ATCAY: variants seen among roughly 807,000 people sequenced by gnomAD.
ATCAY encodes the protein ATCAY kinesin light chain interacting caytaxin, also known as caytaxin.
In ATCAY, 22 loss-of-function variants were observed where a neutral mutation model predicts 47.7. That is an observed-to-expected ratio of 0.46 (90% CI 0.33 to 0.66). The LOEUF (loss-of-function observed/expected upper bound fraction) is 0.66, where lower values mean the gene tolerates loss of function less well. Among genes scored for constraint, ATCAY ranks in the 30% least tolerant of loss-of-function variants. ATCAY has a pLI of 0.02. For missense variants in ATCAY, 452 were observed against 515.0 expected (o/e 0.88, Z 1.18); for synonymous variants, 216 against 207.6 (o/e 1.04, Z -0.35).
chr19:3,887,698 G>A (rs916388294), intron 2 of ATCAY, among the ~76,000 whole-genome samples: 24 of 150,628 alleles, frequency 1.6e-4, no homozygotes, highest in African/African-American at 4.6e-4. Context: ...ATGTTAGCCA[G>A]GATGGTCTCG....
chr19:3,899,331 T>TTTG (rs2038795479), intron 2 of ATCAY, among the ~76,000 whole-genome samples: 1 of 148,770 alleles, frequency 6.7e-6, no homozygotes, highest in Non-Finnish European at 1.5e-5. Context: ...TTTTTTTTTT[T>TTTG]GAGAGAGAGT....
chr19:3,906,767 G>A lies in ATCAY; in HGVS notation c.359-967G>A, dbSNP rs572781800. Among the ~76,000 whole-genome samples, 84 of 152,194 alleles carry A rather than the reference G, an allele frequency of 5.5e-4. No individual in the cohort carries two copies. In the South Asian group the frequency reaches 0.016, roughly 30 times the overall value. On this transcript the variant is annotated intron_variant, in intron 4 of 12. Coordinates refer to ENST00000450849, the MANE Select transcript of ATCAY (RefSeq NM_033064.5). ...TACTCCAGGGCAAGTCCTGATTCAG[G>A]CGTGGGGTATATGGCAGGGCTATGA...
intron 2 of ATCAY, among the ~76,000 whole-genome samples, chr19:3,892,598 T>C (rs2038727734): frequency 6.6e-6 from 1 of 152,182 alleles, no homozygotes; most frequent in Admixed American, 6.5e-5. Flanking sequence ...AACATTTTGC[T>C]CCTTTTATAT....
chr19:3,891,757 C>T (rs1204276955), intron 2 of ATCAY, among the ~76,000 whole-genome samples: 3 of 151,920 alleles, frequency 2.0e-5, no homozygotes, highest in Non-Finnish European at 4.4e-5. Flanking sequence ...GCATCCTAGC[C>T]AAGGAGGGTC....
At chr19:3,904,615 A>G (rs919977629) in intron 3 of ATCAY, among the ~76,000 whole-genome samples, 36 of 149,618 alleles carry the variant, frequency 2.4e-4, no homozygotes, top group African/African-American at 7.3e-4. Flanking sequence ...TTTTCCATAC[A>G]TATAGGAAAA....
Position 3,907,631 on chromosome 19 carries a change from T to C in ATCAY, c.359-103T>C, listed in dbSNP as rs144783174. 2,157 of 1,398,600 alleles carry C rather than the reference T, an allele frequency of 1.5e-3. 32 individuals are homozygous for C. The African/African-American group carries it at 0.024, about 16-fold the overall frequency. The allele number at this position is 1,398,600 out of a possible 1,614,324, so 86.6% of individuals were successfully genotyped here. ...TGGGGAGAAGCGAAGGACTTGTGGG[T>C]CCCGGCAGCGAGGGAGGTGGGAGAG... On this transcript the variant is annotated intron_variant, in intron 4 of 12. Coordinates refer to ENST00000450849, the MANE Select transcript of ATCAY (RefSeq NM_033064.5). The surrounding 1 kb of genome is among the most constrained non-coding windows in gnomAD (Gnocchi z 5.1).
At chr19:3,918,572 A>G (rs951971322) in intron 10 of ATCAY, among the ~76,000 whole-genome samples, 2 of 152,112 alleles carry the variant, frequency 1.3e-5, no homozygotes, top group Non-Finnish European at 2.9e-5. Flanking sequence ...AAAACAAAAA[A>G]AAACAGCCTT....
intron 2 of ATCAY, among the ~76,000 whole-genome samples, chr19:3,886,372 C>T (rs946227128): frequency 8.5e-5 from 13 of 152,092 alleles, no homozygotes; most frequent in Non-Finnish European, 1.6e-4. Flanking sequence ...GCGGGCGGAT[C>T]ATGAGGTCAG....
intron 6 of ATCAY, 81 bp downstream of exon 6, chr19:3,908,451 G>T: frequency 7.7e-7 from 1 of 1,306,452 alleles, no homozygotes; most frequent in South Asian, 1.3e-5. Flanking sequence ...TGCAAGGATT[G>T]CATTGTGGCC....
At chr19:3,893,242 C>T (rs561453347) in intron 2 of ATCAY, among the ~76,000 whole-genome samples, 1 of 149,330 alleles carries the variant, frequency 6.7e-6, no homozygotes, top group East Asian at 2.0e-4. Flanking sequence ...AGCATGATCT[C>T]AGCTCACTGC....
intron 1 of ATCAY, among the ~76,000 whole-genome samples, chr19:3,883,271 G>A (rs2038619113): frequency 6.6e-6 from 1 of 152,134 alleles, no homozygotes; most frequent in South Asian, 2.1e-4. Context: ...CTACTCAAGA[G>A]GTGGAGGTTG....
At chr19:3,911,507 G>A (rs1014757955) in intron 8 of ATCAY, among the ~76,000 whole-genome samples, 2 of 151,906 alleles carry the variant, frequency 1.3e-5, no homozygotes, top group Non-Finnish European at 2.9e-5. Flanking sequence ...CTGGGAGACA[G>A]AGCAAAACAA....
intron 1 of ATCAY, 39 bp from the exon 2 acceptor site, chr19:3,885,688 T>C (rs1344828779): frequency 8.1e-7 from 1 of 1,234,814 alleles, no homozygotes; most frequent in Admixed American, 2.0e-5. Flanking sequence ...ATTAGGACTA[T>C]TGTCCAGTAA....
In ATCAY at chr19:3,908,000, G is replaced by A. The variant is rs2038880200; in HGVS notation, c.544+81G>A. 6.7e-7 allele frequency: 1 copy of A among 1,485,288 alleles called. No individual in the cohort carries two copies. The allele number at this position is 1,485,288 out of a possible 1,614,324, so 92.0% of individuals were successfully genotyped here. A position where few individuals can be genotyped will look rare whatever the true frequency, so the allele number is the denominator to read the frequency against. ...AGGGGGTTCGTCAGTGCCCCTCTCT[G>A]ATGCACGGGGATGTTAAGCCGTCAA... On this transcript the variant is annotated intron_variant, in intron 5 of 12. Transcript: ENST00000450849. The surrounding 1 kb of genome is among the most constrained non-coding windows in gnomAD (Gnocchi z 5.1).
intron 7 of ATCAY, among the ~76,000 whole-genome samples, chr19:3,910,251 G>C (rs2038911850): frequency 6.6e-6 from 1 of 152,100 alleles, no homozygotes; most frequent in African/African-American, 2.4e-5. Flanking sequence ...ATGTCCTCAG[G>C]GTGCATCCAC....
intron 8 of ATCAY, among the ~76,000 whole-genome samples, chr19:3,911,822 C>T (rs2038924750): frequency 6.6e-6 from 1 of 152,150 alleles, no homozygotes; most frequent in South Asian, 2.1e-4. Context: ...GAGGGCTTCA[C>T]TTTCCCTTGA....
At chr19:3,919,524 G>A (rs577107180) in intron 11 of ATCAY, among the ~76,000 whole-genome samples, 17 of 150,924 alleles carry the variant, frequency 1.1e-4, no homozygotes, top group African/African-American at 3.4e-4. Flanking sequence ...CCTGGGAGGC[G>A]GAGGTTGCAG....
At chr19:3,914,235 C>CAAAAAAAAAAAAAAAAAAAAAAAAAA (rs56742726) in intron 9 of ATCAY, among the ~76,000 whole-genome samples, 1 of 62,606 alleles carries the variant, frequency 1.6e-5, no homozygotes. Flanking sequence ...GACTCCATCG[C>CAAAAAAAAAAAAAAAAAAAAAAAAAA]AAAAAAAAAA....
At chr19:3,905,360 A>C (rs1349100949) in intron 3 of ATCAY, 74 bp from the exon 4 acceptor site, 1 of 1,415,886 alleles carries the variant, frequency 7.1e-7, no homozygotes, top group African/African-American at 1.4e-5. Context: ...AACAGCTTCC[A>C]CCAGGTAGGA....
Sources: allele counts gnomAD v4.1 joint callset (sites outside exome capture counted in the v4.1 genomes callset), GRCh38; gene constraint gnomAD v4.1.1; non-coding constraint Gnocchi (gnomAD v3.1); transcripts MANE v1.5; gene names NCBI Gene and HGNC (gene_info 2026-07-23, HGNC 2026-07-21).